Variants in GSTO2 observed in about 807,000 individuals in gnomAD.
GSTO2 encodes the protein glutathione S-transferase omega 2.
A neutral mutation model predicts 28.4 loss-of-function variants in GSTO2; 23 were observed. The ratio of observed to expected loss-of-function variants is 0.81; its 90% CI spans 0.58 to 1.15. The LOEUF is 1.15. Among genes scored for constraint, GSTO2 ranks in the 50% most tolerant of loss-of-function variants. The pLI, the probability that GSTO2 is intolerant of heterozygous loss-of-function variation, is 0.00. For synonymous variants in GSTO2, 109 were observed against 111.0 expected (o/e 0.98, Z 0.11); for missense variants, 298 against 297.8 (o/e 1.00, Z 0.00).
chr10:104,289,334 G>A (rs760285322), intron 5 of GSTO2, among the ~76,000 whole-genome samples: 16 of 152,146 alleles, frequency 1.1e-4, no homozygotes, highest in Non-Finnish European at 1.8e-4. Flanking sequence ...GGGCTGAAGC[G>A]ATCCTTCCAC....
chr10:104,274,444 C>A (rs1315294604), intron 1 of GSTO2, among the ~76,000 whole-genome samples: 1 of 152,096 alleles, frequency 6.6e-6, no homozygotes, highest in Non-Finnish European at 1.5e-5. Flanking sequence ...TTTTTTAAAG[C>A]TGTACTTACT....
At position 104,279,417 on chromosome 10, in the gene GSTO2, A is replaced by C. The variant is rs1388362385; in HGVS notation, c.414A>C (p.Arg138Ser). Residue 138 changes from arginine (R) to serine (S), a missense_variant, in exon 5 of 7, where the codon AGA becomes AGC. By Grantham distance (110) the Arg-to-Ser change is moderately radical (BLOSUM62 -1). Coordinates refer to ENST00000338595, the MANE Select transcript of GSTO2 (RefSeq NM_183239.2). The stretch of plus-strand genomic sequence containing the variant: ...GCCTGGTAGCGTTGAGATGTGGGAG[A>C]GAATGCACTAATCTGAAGGCAGCCC... ...KECLVALRCGRECTNLKAALR... is the reference protein window; with the variant it reads ...KECLVALRCGSECTNLKAALR... 6.8e-6 allele frequency: 11 copies of C among 1,614,080 alleles called. No homozygotes were observed. The highest frequency in any genetic ancestry group is 9.3e-6 in the Non-Finnish European group (11 of 1,179,990).
At position 104,302,161 on chromosome 10, in the gene GSTO2, T is replaced by G. The variant is rs2013275845; in HGVS notation, c.*2877T>G. On this transcript the variant is annotated 3_prime_UTR_variant, in exon 7 of 7. Transcript: ENST00000338595. ...TAAAACCATTAGATCTCATGAGAAC[T>G]CACTCACTGTCATGAGAAAAGCATA... 1 of 152,082 alleles carries G rather than the reference T, an allele frequency of 6.6e-6. No homozygotes were observed. The highest frequency in any genetic ancestry group is 1.5e-5 in the Non-Finnish European group (1 of 68,028). 9.4% of individuals were successfully genotyped at this position (152,082 alleles called of 1,614,324 possible).
chr10:104,300,086 A>G lies in GSTO2; in HGVS notation c.*802A>G, dbSNP rs1167320264. ...GTCCACGTGGGCGAGTATGAGTGTA[A>G]TTCTCCAAACTTTGGCCATGGGCCT... On this transcript the variant is annotated 3_prime_UTR_variant, in exon 7 of 7. Transcript: ENST00000338595. The G allele has an allele frequency of 1.3e-5, 2 of 152,246 alleles. No homozygotes were observed. The highest frequency in any genetic ancestry group is 2.9e-5 in the Non-Finnish European group (2 of 68,058). 9.4% of individuals were successfully genotyped at this position (152,246 alleles called of 1,614,324 possible). A position where few individuals can be genotyped will look rare whatever the true frequency, so the allele number is the denominator to read the frequency against.
Position 104,299,402 on chromosome 10 carries a change from TGAAAACAG to T in GSTO2, c.*123_*130del. The T allele has an allele frequency of 8.6e-7, 1 of 1,156,684 alleles. No homozygotes were observed. Among genetic ancestry groups the T allele is most frequent in the Non-Finnish European group, 1.3e-6 (1 of 791,874 alleles). 71.7% of individuals were successfully genotyped at this position (1,156,684 alleles called of 1,614,324 possible). On this transcript the variant is annotated 3_prime_UTR_variant, in exon 7 of 7. Coordinates refer to ENST00000338595, the MANE Select transcript of GSTO2 (RefSeq NM_183239.2). ...CTTTTCTTTGAAGTTCCCAATAAAA[TGAAAACAG>T]GAAATGTATTCTTCTGATAATCATT...
chr10:104,274,362 G>A (rs2011532646), intron 1 of GSTO2, among the ~76,000 whole-genome samples: 1 of 152,156 alleles, frequency 6.6e-6, no homozygotes, highest in Admixed American at 6.5e-5. Context: ...ACTCTCTGGG[G>A]TATGTGAGAT....
chr10:104,296,153 TGCCTGTCTG>T (rs2013008246), intron 5 of GSTO2: 1 of 152,240 alleles, frequency 6.6e-6, no homozygotes, highest in Non-Finnish European at 1.5e-5. Flanking sequence ...TGTCTTTGGC[TGCCTGTCTG>T]TTGAGAGTTT....
At chr10:104,297,715 C>A in intron 6 of GSTO2, 31 bp downstream of exon 6, 4 of 1,438,056 alleles carry the variant, frequency 2.8e-6, no homozygotes, top group Non-Finnish European at 3.9e-6. Context: ...GTGTTAAATT[C>A]CCGGAGTCAC....
At chr10:104,274,448 A>G (rs903789606) in intron 1 of GSTO2, among the ~76,000 whole-genome samples, 4 of 152,120 alleles carry the variant, frequency 2.6e-5, no homozygotes, top group Non-Finnish European at 5.9e-5. Flanking sequence ...TTAAAGCTGT[A>G]CTTACTTACC....
At chr10:104,277,247 G>A (rs749146936) in intron 3 of GSTO2, among the ~76,000 whole-genome samples, 29 of 151,544 alleles carry the variant, frequency 1.9e-4, no homozygotes, top group Non-Finnish European at 4.0e-4. Flanking sequence ...ATGGTTAAGT[G>A]TGTGAGCTCT....
intron 1 of GSTO2, among the ~76,000 whole-genome samples, chr10:104,271,306 C>A (rs1413493570): frequency 6.6e-6 from 1 of 152,178 alleles, no homozygotes; most frequent in African/African-American, 2.4e-5. Context: ...ATATGCTTGG[C>A]AAAGCCGAAT....
intron 5 of GSTO2, among the ~76,000 whole-genome samples, chr10:104,281,314 T>A (rs1589862734): frequency 6.6e-6 from 1 of 152,138 alleles, no homozygotes; most frequent in South Asian, 2.1e-4. Flanking sequence ...AGAGAATTTA[T>A]AGTCTATTTT....
intron 6 of GSTO2, among the ~76,000 whole-genome samples, chr10:104,298,310 C>T (rs2013138303): frequency 6.6e-6 from 1 of 152,278 alleles, no homozygotes; most frequent in South Asian, 2.1e-4. Context: ...TCCAAGCCAC[C>T]CTCATGGTGG....
chr10:104,275,090 G>A (rs1172951544), intron 2 of GSTO2, 136 bp from the exon 3 acceptor site: 9 of 1,513,988 alleles, frequency 5.9e-6, no homozygotes, highest in African/African-American at 5.6e-5. Context: ...AAAGCCACAT[G>A]CAGCACTGCC....
At chr10:104,293,562 A>G (rs1229671173) in intron 5 of GSTO2, among the ~76,000 whole-genome samples, 2 of 78,842 alleles carry the variant, frequency 2.5e-5, no homozygotes, top group African/African-American at 7.4e-5. Context: ...GCGCCTGGCC[A>G]ATTTTTTTTT....
intron 5 of GSTO2, among the ~76,000 whole-genome samples, chr10:104,289,842 C>A (rs894755788): frequency 6.6e-6 from 1 of 152,186 alleles, no homozygotes; most frequent in African/African-American, 2.4e-5. Context: ...TGCTCAGCAT[C>A]ATTGATCATC....
intron 1 of GSTO2, among the ~76,000 whole-genome samples, chr10:104,271,313 G>A (rs1171177866): frequency 6.6e-6 from 1 of 152,212 alleles, no homozygotes; most frequent in East Asian, 1.9e-4. Flanking sequence ...TGGCAAAGCC[G>A]AATCACAGTG....
intron 5 of GSTO2, among the ~76,000 whole-genome samples, chr10:104,286,461 T>C (rs1211862661): frequency 6.6e-6 from 1 of 152,220 alleles, no homozygotes; most frequent in Admixed American, 6.5e-5. Flanking sequence ...ATACGCACAT[T>C]TTGTTTATCC....
rs1249915642 is a variant in GSTO2 at position 104,303,297 on chromosome 10, TGAAGG to T, written c.*4014_*4018del. 1 of 152,182 alleles carries T rather than the reference TGAAGG, an allele frequency of 6.6e-6. No homozygotes were observed. The highest frequency in any genetic ancestry group is 1.5e-5 in the Non-Finnish European group (1 of 68,028). The allele number at this position is 152,182 out of a possible 1,614,324, so 9.4% of individuals were successfully genotyped here. The stretch of plus-strand genomic sequence containing the variant: ...AAAATGCCAGTAGTGATATGGACAG[TGAAGG>T]CCAGGCTGAGGAGGTGATGGAAATG... On this transcript the variant is annotated 3_prime_UTR_variant, in exon 7 of 7. Coordinates refer to ENST00000338595, the MANE Select transcript of GSTO2 (RefSeq NM_183239.2).
Sources: gnomAD v4.1 joint callset for allele counts (sites outside exome capture counted in the v4.1 genomes callset) on GRCh38, gnomAD v4.1.1 for gene constraint, MANE v1.5 for transcripts, NCBI Gene and HGNC (gene_info 2026-07-23, HGNC 2026-07-21) for gene names.